The following MTREX variants were observed in gnomAD, a reference collection of about 807,000 sequenced individuals.
MTREX encodes Mtr4 exosome RNA helicase, also known as exosome RNA helicase MTR4.
MTREX carries 76 observed loss-of-function variants against 135.4 expected under a neutral mutation model. The observed-to-expected ratio is 0.56, with a 90% CI of 0.47 to 0.68. The LOEUF is 0.68. Among genes scored for constraint, MTREX ranks in the 30% least tolerant of loss-of-function variants. MTREX has a pLI of 0.00. For missense variants in MTREX, 920 were observed against 1,262.1 expected, an observed-to-expected ratio of 0.73 and a Z score of 4.11; for synonymous variants, 404 against 401.6, an observed-to-expected ratio of 1.01 and a Z score of -0.07.
intron 11 of MTREX, among the ~76,000 whole-genome samples, chr5:55,347,411 A>G (rs1399160768): frequency 1.3e-5 from 2 of 152,144 alleles, no homozygotes; most frequent in African/African-American, 4.8e-5. Context: ...GCCTTCTTAT[A>G]CTTTGTTACC....
intron 19 of MTREX, among the ~76,000 whole-genome samples, chr5:55,391,634 G>T (rs572527322): frequency 4.6e-5 from 7 of 152,278 alleles, no homozygotes; most frequent in Non-Finnish European, 7.4e-5. Flanking sequence ...AACTCTGACT[G>T]CTGTTCTTTG....
chr5:55,420,577 C>A (rs906603583), intron 25 of MTREX, among the ~76,000 whole-genome samples: 6 of 152,056 alleles, frequency 3.9e-5, no homozygotes, highest in African/African-American at 1.4e-4. Flanking sequence ...TATGGACAAA[C>A]CTTAAACACA....
intron 25 of MTREX, among the ~76,000 whole-genome samples, 165 bp downstream of exon 25, chr5:55,416,297 T>G (rs1043516111): frequency 6.6e-6 from 1 of 152,132 alleles, no homozygotes; most frequent in East Asian, 1.9e-4. Context: ...ATTCTTTGTA[T>G]TATTTAATAA....
At chr5:55,328,981 A>G (rs1205653839) in intron 5 of MTREX, among the ~76,000 whole-genome samples, 170 bp downstream of exon 5, 1 of 152,236 alleles carries the variant, frequency 6.6e-6, no homozygotes, top group Non-Finnish European at 1.5e-5. Context: ...AAGTAATAAA[A>G]GAGGACATTC....
rs1173436673 is a variant in MTREX, at chr5:55,325,512, A to AT, written c.339+1325dup. ...ACGCTTGGCTAATTTTTTTTTTTTAATTTTTTTTTTTATTTTTAGTAGAGA... is the reference window on the plus strand; with the variant it reads ...ACGCTTGGCTAATTTTTTTTTTTTAATTTTTTTTTTTTATTTTTAGTAGAGA... On this transcript the variant is annotated intron_variant, in intron 3 of 26. Transcript: ENST00000230640. 1.5e-3 allele frequency among the ~76,000 whole-genome samples: 220 copies of AT among 143,474 alleles called. 2 individuals are homozygous for AT. In the Middle Eastern group the frequency reaches 0.024, roughly 16 times the overall value. 94.1% of individuals were successfully genotyped at this position (143,474 alleles called of 152,430 possible). A position where few individuals can be genotyped will look rare whatever the true frequency, so the allele number is the denominator to read the frequency against.
chr5:55,332,458 A>G (rs1749493629), intron 5 of MTREX, among the ~76,000 whole-genome samples: 1 of 152,192 alleles, frequency 6.6e-6, no homozygotes, highest in Non-Finnish European at 1.5e-5. Flanking sequence ...TTACCTTGGC[A>G]TGGTGGTTGT....
At chr5:55,350,810 A>G in intron 12 of MTREX, 109 bp from the exon 13 acceptor site, 1 of 872,900 alleles carries the variant, frequency 1.1e-6, no homozygotes, top group Middle Eastern at 3.4e-4. Flanking sequence ...GATTTTATTA[A>G]GTTTCTTTAA....
intron 19 of MTREX, among the ~76,000 whole-genome samples, chr5:55,395,484 G>A (rs975443758): frequency 6.6e-6 from 1 of 152,118 alleles, no homozygotes; most frequent in Non-Finnish European, 1.5e-5. Context: ...AATTTACTAT[G>A]GCAAGAATCA....
intron 7 of MTREX, among the ~76,000 whole-genome samples, chr5:55,342,683 G>C (rs945112058): frequency 2.0e-5 from 3 of 152,138 alleles, no homozygotes; most frequent in African/African-American, 4.8e-5. Context: ...CACTAAATCA[G>C]CCTGTATTTA....
At chr5:55,378,277 A>G (rs748923942) in intron 16 of MTREX, 37 bp from the exon 17 acceptor site, 1 of 1,542,020 alleles carries the variant, frequency 6.5e-7, no homozygotes, top group African/African-American at 1.4e-5. Context: ...AATAAGATGT[A>G]TAACCTTTTA....
At chr5:55,365,972 C>A (rs1750096621) in intron 15 of MTREX, among the ~76,000 whole-genome samples, 1 of 146,228 alleles carries the variant, frequency 6.8e-6, no homozygotes, top group Non-Finnish European at 1.5e-5. Context: ...GCCTGGGCTA[C>A]ACAGCGAGAC....
At chr5:55,415,944 G>T in intron 24 of MTREX, 26 bp from the exon 25 acceptor site, 2 of 1,532,090 alleles carry the variant, frequency 1.3e-6, no homozygotes, top group African/African-American at 1.4e-5. Flanking sequence ...CATAAGTAAG[G>T]AATTTTAACT....
chr5:55,382,777 C>T (rs759815429), intron 18 of MTREX, among the ~76,000 whole-genome samples: 45 of 152,122 alleles, frequency 3.0e-4, no homozygotes, highest in Admixed American at 2.0e-4. Context: ...GGATTACAGG[C>T]TCACGCCACC....
intron 26 of MTREX, chr5:55,423,547 C>T (rs1442577336): frequency 6.5e-6 from 1 of 152,774 alleles, no homozygotes. Context: ...TTCCCAGCCC[C>T]AGGCTTCTCA....
At chr5:55,321,730 T>C (rs1037356390) in intron 1 of MTREX, among the ~76,000 whole-genome samples, 1 of 150,616 alleles carries the variant, frequency 6.6e-6, no homozygotes, top group African/African-American at 2.4e-5. Context: ...TGTCCCAGCC[T>C]CTCGAGTAGC....
In MTREX at chr5:55,425,075, TCCAAGAG is replaced by T; in HGVS notation, c.*304_*310del. The stretch of plus-strand genomic sequence containing the variant: ...TAACTATGTACACACAAAGTGTGCA[TCCAAGAG>T]GCATAGCAGCAGCAGAAGTCTTTAA... On this transcript the variant is annotated 3_prime_UTR_variant, in exon 27 of 27. Coordinates refer to ENST00000230640, the MANE Select transcript of MTREX (RefSeq NM_015360.5). 1 of 1,223,542 alleles carries T rather than the reference TCCAAGAG, an allele frequency of 8.2e-7. No homozygotes were observed. The highest frequency in any genetic ancestry group is 2.3e-5 in the East Asian group (1 of 42,794). The allele number at this position is 1,223,542 out of a possible 1,614,324, so 75.8% of individuals were successfully genotyped here. A position where few individuals can be genotyped will look rare whatever the true frequency, so the allele number is the denominator to read the frequency against.
intron 15 of MTREX, among the ~76,000 whole-genome samples, chr5:55,362,708 TA>T (rs922287552): frequency 4.0e-5 from 6 of 151,694 alleles, no homozygotes; most frequent in East Asian, 1.9e-4. Context: ...ATATGAGCTA[TA>T]AAAAAAAATC....
At chr5:55,371,206 G>A (rs138477975) in intron 16 of MTREX, among the ~76,000 whole-genome samples, 214 of 152,274 alleles carry the variant, frequency 1.4e-3, no homozygotes, top group Non-Finnish European at 2.7e-3. Flanking sequence ...GTACATTCAA[G>A]TTCTAAGAAT....
At position 55,422,562 on chromosome 5, in the gene MTREX, T is replaced by C. The variant is rs76962654; in HGVS notation, c.2972-316T>C. Among the ~76,000 whole-genome samples, 823 of 152,314 alleles carry C rather than the reference T, an allele frequency of 5.4e-3. 4 individuals are homozygous for C. The highest frequency in any genetic ancestry group is 0.019 in the African/African-American group (793 of 41,572). ...TGCTGCCTGAGAGATACTGCCTGGT[T>C]CTTACAGACACAGATTATGTCATCT... On this transcript the variant is annotated intron_variant, in intron 25 of 26. Transcript: ENST00000230640.
Sources: allele counts gnomAD v4.1 joint callset (sites outside exome capture counted in the v4.1 genomes callset), GRCh38; gene constraint gnomAD v4.1.1; transcripts MANE v1.5; gene names NCBI Gene and HGNC (gene_info 2026-07-23, HGNC 2026-07-21).